Variants in CHST9 observed in about 807,000 individuals in gnomAD.
CHST9 encodes carbohydrate sulfotransferase 9.
CHST9 carries 41 observed loss-of-function variants against 44.4 expected under a neutral mutation model. The observed-to-expected ratio is 0.92, with a 90% CI of 0.72 to 1.20. The LOEUF (loss-of-function observed/expected upper bound fraction) is 1.20. Ranked by LOEUF, CHST9 falls within the 50% of genes most tolerant of loss-of-function variation. The probability of loss-of-function intolerance (pLI) is 0.00; values close to 1 mark genes in which losing one functional copy is unlikely to be tolerated. For missense variants in CHST9, 504 were observed against 516.5 expected (o/e 0.98, Z 0.23); for synonymous variants, 171 against 178.4 (o/e 0.96, Z 0.33).
chr18:26,916,641 G>C lies in CHST9; in HGVS notation c.950C>G (p.Ala317Gly), dbSNP rs780558150. 21 of 1,613,790 alleles carry C rather than the reference G, an allele frequency of 1.3e-5. No individual in the cohort carries two copies. The highest frequency in any genetic ancestry group is 1.7e-5 in the Non-Finnish European group (20 of 1,179,788). Residue 317 changes from alanine to glycine, a missense_variant, in exon 6 of 6, where the codon GCC becomes GGC. Transcript: ENST00000618847. ...KAIIKKYRPN[A>G]CEEALINGSG... is the part of the protein sequence containing the mutation. Reference sequence around the variant, plus strand: ...TCCATTAATTAATGCTTCTTCACAGGCATTTGGTCGATATTTCTTGATAAT... The same window carrying C: ...TCCATTAATTAATGCTTCTTCACAGCCATTTGGTCGATATTTCTTGATAAT...
At chr18:27,158,037 C>G (rs1175736979) in intron 1 of CHST9, among the ~76,000 whole-genome samples, 1 of 152,030 alleles carries the variant, frequency 6.6e-6, no homozygotes, top group Admixed American at 6.6e-5. Context: ...AAAAGAAATA[C>G]AGTTACAAAA....
chr18:27,133,551 C>T (rs1036791304), intron 2 of CHST9, among the ~76,000 whole-genome samples: 1 of 152,128 alleles, frequency 6.6e-6, no homozygotes, highest in Non-Finnish European at 1.5e-5. Context: ...CATCTGGAAG[C>T]AGGGGCAGCT....
At chr18:26,977,635 C>T (rs1199621387) in intron 4 of CHST9, among the ~76,000 whole-genome samples, 1 of 152,080 alleles carries the variant, frequency 6.6e-6, no homozygotes, top group Non-Finnish European at 1.5e-5. Context: ...AGAATTGTTC[C>T]TATGTGCATT....
chr18:26,963,708 T>C (rs1685143423), intron 4 of CHST9, among the ~76,000 whole-genome samples: 1 of 152,192 alleles, frequency 6.6e-6, no homozygotes, highest in African/African-American at 2.4e-5. Context: ...GAGACTGGGT[T>C]CCAGGACTAA....
chr18:27,080,471 G>A (rs2057949275), intron 2 of CHST9, among the ~76,000 whole-genome samples: 1 of 151,944 alleles, frequency 6.6e-6, no homozygotes, highest in Non-Finnish European at 1.5e-5. Context: ...TCTCTCATTA[G>A]AAAGAATGCT....
chr18:26,974,750 C>T (rs1267402350), intron 4 of CHST9, among the ~76,000 whole-genome samples: 1 of 151,742 alleles, frequency 6.6e-6, no homozygotes, highest in Non-Finnish European at 1.5e-5. Context: ...CTCGGCTCAC[C>T]GCAACCTCTG....
chr18:26,956,106 C>T (rs1288011286), intron 4 of CHST9, among the ~76,000 whole-genome samples: 2 of 151,728 alleles, frequency 1.3e-5, no homozygotes, highest in Non-Finnish European at 2.9e-5. Flanking sequence ...ACCAGCCTGG[C>T]CAACATGGTA....
At chr18:27,048,813 C>T (rs1386528458) in intron 2 of CHST9, among the ~76,000 whole-genome samples, 1 of 149,438 alleles carries the variant, frequency 6.7e-6, no homozygotes, top group Non-Finnish European at 1.5e-5. Context: ...ATGGGGAAAA[C>T]AGCTAAATAA....
intron 4 of CHST9, among the ~76,000 whole-genome samples, chr18:26,978,636 G>A (rs1179289840): frequency 2.6e-5 from 4 of 152,228 alleles, no homozygotes; most frequent in African/African-American, 9.6e-5. Flanking sequence ...CTGACTTCCA[G>A]TGTTGCTTCT....
chr18:26,950,689 G>T (rs542089383), intron 4 of CHST9, among the ~76,000 whole-genome samples: 2 of 152,270 alleles, frequency 1.3e-5, no homozygotes, highest in Admixed American at 6.5e-5. Flanking sequence ...CAAAGGTGTA[G>T]AAATGATGTA....
chr18:27,018,870 C>T (rs894430955), intron 4 of CHST9, among the ~76,000 whole-genome samples: 1 of 152,130 alleles, frequency 6.6e-6, no homozygotes, highest in Non-Finnish European at 1.5e-5. Context: ...CAGATATGGA[C>T]ACTTATGAGA....
chr18:27,113,377 T>A (rs2058291592), intron 2 of CHST9, among the ~76,000 whole-genome samples: 1 of 152,188 alleles, frequency 6.6e-6, no homozygotes, highest in African/African-American at 2.4e-5. Flanking sequence ...TGTTTTTATT[T>A]CTCAGTATGT....
chr18:27,090,638 G>A (rs2058059133), intron 2 of CHST9, among the ~76,000 whole-genome samples: 2 of 152,152 alleles, frequency 1.3e-5, no homozygotes, highest in Admixed American at 1.3e-4. Flanking sequence ...TGTAAGGAAG[G>A]GATCCAGTTT....
chr18:26,916,503 T>C lies in CHST9; in HGVS notation c.1088A>G (p.Asn363Ser), dbSNP rs1568088594. 1 of 1,613,876 alleles carries C rather than the reference T, an allele frequency of 6.2e-7. No homozygotes were observed. ...CTCAAATTTCCCTACAAAATCATAGTTGATCAAACACGGATAGCAGAGTTT... is the reference window on the plus strand; with the variant it reads ...CTCAAATTTCCCTACAAAATCATAGCTGATCAAACACGGATAGCAGAGTTT... ...VSKLCYPCLI[N>S]YDFVGKFETL... Residue 363 changes from asparagine to serine, a missense_variant, in exon 6 of 6, where the codon AAC (asparagine) becomes AGC (serine). Asn to Ser is a conservative substitution (Grantham distance 46). Transcript: ENST00000618847.
intron 2 of CHST9, among the ~76,000 whole-genome samples, chr18:27,089,810 CTT>C (rs56057285): frequency 4.0e-5 from 5 of 124,724 alleles, no homozygotes; most frequent in African/African-American, 3.1e-5. Flanking sequence ...TGTTTCCTGA[CTT>C]TTTTTTTTTT....
chr18:27,159,522 T>C (rs372228455), intron 1 of CHST9, among the ~76,000 whole-genome samples: 24 of 152,314 alleles, frequency 1.6e-4, no homozygotes, highest in East Asian at 5.8e-4. Context: ...CCTTGTAGTA[T>C]AGTTTGAAGT....
chr18:26,999,510 T>C (rs2056924373), intron 4 of CHST9, among the ~76,000 whole-genome samples: 1 of 152,154 alleles, frequency 6.6e-6, no homozygotes, highest in East Asian at 1.9e-4. Flanking sequence ...TCATTGATAT[T>C]GACTTTACTA....
chr18:27,162,945 A>G (rs997181722), intron 1 of CHST9, among the ~76,000 whole-genome samples: 2 of 151,924 alleles, frequency 1.3e-5, no homozygotes, highest in African/African-American at 4.8e-5. Context: ...TTGTGGTTTT[A>G]TCTACCTTTG....
At chr18:27,047,421 T>TG (rs1555679287) in intron 3 of CHST9, among the ~76,000 whole-genome samples, 12 of 150,576 alleles carry the variant, frequency 8.0e-5, no homozygotes, top group Non-Finnish European at 1.5e-4. Context: ...TGTGTGTGTG[T>TG]TCATGATCAG....
Sources: gnomAD v4.1 joint callset for allele counts (sites outside exome capture counted in the v4.1 genomes callset) on GRCh38, gnomAD v4.1.1 for gene constraint, MANE v1.5 for transcripts, NCBI Gene and HGNC (gene_info 2026-07-23, HGNC 2026-07-21) for gene names.